The following UNC80 variants were observed in gnomAD, a reference collection of about 807,000 sequenced individuals.
UNC80 encodes unc-80 subunit of NALCN channel complex, also known as protein unc-80 homolog.
Under a neutral mutation model 384.6 loss-of-function variants are expected in UNC80, and 164 were observed. The ratio of observed to expected loss-of-function variants is 0.43; its 90% CI spans 0.38 to 0.49. UNC80 has a LOEUF of 0.49. Among genes scored for constraint, UNC80 ranks in the 20% least tolerant of loss-of-function variants. UNC80 has a pLI of 0.00. For synonymous variants in UNC80, 1,486 were observed against 1,527.8 expected, an observed-to-expected ratio of 0.97 and a Z score of 0.64; for missense variants, 3,330 against 4,143.0, an observed-to-expected ratio of 0.80 and a Z score of 5.39.
Position 209,801,377 on chromosome 2 carries a change from C to CT in UNC80, c.938+7543dup, listed in dbSNP as rs35079056. Reference sequence around the variant, plus strand: ...TCAGAGACTAGGATTGCAACCCCTGCTTTTTTTTTTTTTTTTTTTTTTTTT... The same window carrying CT: ...TCAGAGACTAGGATTGCAACCCCTGCTTTTTTTTTTTTTTTTTTTTTTTTTT... On this transcript the variant is annotated intron_variant, in intron 7 of 64. Transcript: ENST00000673920. Among the ~76,000 whole-genome samples, 434 of 65,978 alleles carry CT rather than the reference C, an allele frequency of 6.6e-3. 12 individuals carry two copies. The highest frequency in any genetic ancestry group is 0.016 in the African/African-American group (302 of 18,918). The allele number at this position is 65,978 out of a possible 152,430, so 43.3% of individuals were successfully genotyped here.
Position 209,970,888 on chromosome 2 carries a change from C to T in UNC80, c.8187C>T (p.Leu2729=). 1 of 1,551,836 alleles carries T rather than the reference C, an allele frequency of 6.4e-7. No individual in the cohort carries two copies. Among genetic ancestry groups the T allele is most frequent in the Non-Finnish European group, 8.7e-7 (1 of 1,147,022 alleles). Residue 2729 remains leucine, a synonymous_variant, in exon 54 of 65, where the codon CTC becomes CTT. Transcript: ENST00000673920. ...CTGATGGATTACCCCTTCTTCATCTCAGCCCTTATCTCTCACCACCTCTGC... is the reference window on the plus strand; with the variant it reads ...CTGATGGATTACCCCTTCTTCATCTTAGCCCTTATCTCTCACCACCTCTGC... The part of the protein sequence containing the change: ...SVADGLPLLH[L]SPYLSPPLPF...
At chr2:209,980,264 TATTA>T (rs1478406222) in intron 59 of UNC80, among the ~76,000 whole-genome samples, 1 of 152,222 alleles carries the variant, frequency 6.6e-6, no homozygotes, top group African/African-American at 2.4e-5. Flanking sequence ...CAGCAATTCT[TATTA>T]ATTATAGGAA....
At chr2:209,942,201 C>G (rs1355883330) in intron 44 of UNC80, among the ~76,000 whole-genome samples, 1 of 152,262 alleles carries the variant, frequency 6.6e-6, no homozygotes, top group South Asian at 2.1e-4. Flanking sequence ...GCCTGATGAT[C>G]TGAGGTGGAA....
At chr2:209,937,980 T>A (rs2091363114) in intron 42 of UNC80, among the ~76,000 whole-genome samples, 1 of 152,052 alleles carries the variant, frequency 6.6e-6, no homozygotes, top group Non-Finnish European at 1.5e-5. Context: ...ATGTAAATTA[T>A]CCCAGTGGTT....
Position 209,918,621 on chromosome 2 carries a change from G to A in UNC80, c.5301G>A (p.Gln1767=). The stretch of plus-strand genomic sequence containing the variant: ...TGTTTGACCCACCGTGGGTTCCTCA[G>A]TGCAGCGGGAGTGTCCAGGACCCCA... ...VPMFDPPWVP[Q]CSGSVQDPIN... is the part of the protein sequence containing the mutation. Residue 1767 remains glutamine, a synonymous_variant, in exon 33 of 65, where the codon CAG becomes CAA. Coordinates refer to ENST00000673920, the MANE Select transcript of UNC80 (RefSeq NM_001371986.1). 1 of 1,551,874 alleles carries A rather than the reference G, an allele frequency of 6.4e-7. No homozygotes were observed. Among genetic ancestry groups the A allele is most frequent in the East Asian group, 2.4e-5 (1 of 40,920 alleles).
At chr2:209,831,908 G>C (rs183781537) in intron 16 of UNC80, among the ~76,000 whole-genome samples, 1 of 152,190 alleles carries the variant, frequency 6.6e-6, no homozygotes, top group Admixed American at 6.5e-5. Flanking sequence ...TTGTTGGCTC[G>C]TAAAATACTA....
chr2:209,800,179 A>T (rs185652765), intron 7 of UNC80, among the ~76,000 whole-genome samples: 1 of 152,074 alleles, frequency 6.6e-6, no homozygotes, highest in Non-Finnish European at 1.5e-5. Context: ...CTGTGAATCC[A>T]TCTGGTCCTG....
chr2:209,858,197 G>C (rs756856933), intron 22 of UNC80, among the ~76,000 whole-genome samples: 2 of 152,148 alleles, frequency 1.3e-5, no homozygotes, highest in Non-Finnish European at 2.9e-5. Context: ...AACAGGTTTA[G>C]AAATATTACG....
At chr2:209,853,643 A>C (rs111276053) in intron 22 of UNC80, among the ~76,000 whole-genome samples, 35 of 152,250 alleles carry the variant, frequency 2.3e-4, no homozygotes, top group African/African-American at 7.9e-4. Context: ...AAAACTAAAA[A>C]GAAAATAAAA....
Position 209,872,744 on chromosome 2 carries a change from A to T in UNC80, c.3628-14A>T. ...TTAATCCCACATTATTCTTTCCTAA[A>T]CAACCCTACACAGGAAGCCCCTGTG... On this transcript the variant is annotated splice_polypyrimidine_tract_variant and intron_variant, in intron 22 of 64. Transcript: ENST00000673920. The surrounding 1 kb of genome is among the most constrained non-coding windows in gnomAD (Gnocchi z 4.1). 6.4e-7 allele frequency: 1 copy of T among 1,550,446 alleles called. No individual in the cohort carries two copies. The highest frequency in any genetic ancestry group is 8.7e-7 in the Non-Finnish European group (1 of 1,145,950).
intron 26 of UNC80, among the ~76,000 whole-genome samples, chr2:209,888,790 A>AT (rs566805914): frequency 7.4e-4 from 112 of 151,654 alleles, no homozygotes; most frequent in African/African-American, 2.6e-3. Flanking sequence ...TAATTTTTGT[A>AT]TTTTTTTTCT....
chr2:209,840,736 C>A, intron 20 of UNC80, 88 bp downstream of exon 20: 1 of 1,059,018 alleles, frequency 9.4e-7, no homozygotes, highest in Non-Finnish European at 1.4e-6. Context: ...CCTGCAGGGG[C>A]CAAATAAGGA....
Position 209,842,424 on chromosome 2 carries a change from G to A in UNC80, c.3432G>A (p.Glu1144=), listed in dbSNP as rs142553847. The change falls in exon 21 of 65, where the codon GAG becomes GAA. Residue 1144 remains glutamate (E), a synonymous_variant. Coordinates refer to ENST00000673920, the MANE Select transcript of UNC80 (RefSeq NM_001371986.1). The part of the protein sequence containing the change: ...GSGMENGRDE[E]ENFFKRLGCH... Reference sequence around the variant, plus strand: ...GCATGGAAAATGGAAGAGATGAAGAGGAGAATTTCTTCAAGCGTCTTGGTA... The same window carrying A: ...GCATGGAAAATGGAAGAGATGAAGAAGAGAATTTCTTCAAGCGTCTTGGTA... 1.3e-6 allele frequency: 2 copies of A among 1,550,284 alleles called. No homozygotes were observed. Among genetic ancestry groups the A allele is most frequent in the South Asian group, 2.4e-5 (2 of 83,956 alleles).
Position 209,933,913 on chromosome 2 carries a change from G to T in UNC80, c.6086G>T (p.Gly2029Val). 1 of 1,551,252 alleles carries T rather than the reference G, an allele frequency of 6.4e-7. No individual in the cohort carries two copies. Residue 2029 changes from glycine to valine, a missense_variant, in exon 39 of 65, where the codon GGT (glycine) becomes GTT (valine). This residue lies in a region of UNC80 where 1,049 missense variants were observed against 1,488.6 expected (regional missense o/e 0.70). Coordinates refer to ENST00000673920, the MANE Select transcript of UNC80 (RefSeq NM_001371986.1). ...ATLTFLWEVV[G>V]YVEGLFFKDL... Reference sequence around the variant, plus strand: ...CTGACATTCCTGTGGGAGGTGGTGGGTTACGTGGAGGGCCTCTTCTTCAAG... The same window carrying T: ...CTGACATTCCTGTGGGAGGTGGTGGTTTACGTGGAGGGCCTCTTCTTCAAG...
intron 28 of UNC80, among the ~76,000 whole-genome samples, chr2:209,899,403 A>G (rs938068880): frequency 2.6e-5 from 4 of 152,216 alleles, no homozygotes; most frequent in Admixed American, 6.5e-5. Flanking sequence ...GTTGTCATGT[A>G]TGCAGACAGT....
chr2:209,849,503 C>G lies in UNC80; in HGVS notation c.3507C>G (p.Ser1169Arg). ...CTCCCAACCAAGATGGTGGAAAAAG[C>G]AAAAACGTGGTGAATCTTGGAGCAA... ...HLSPNQDGGK[S>R]KNVVNLGAIR... The change falls in exon 22 of 65, where the codon AGC (serine) becomes AGG (arginine). Residue 1169 changes from serine to arginine, a missense_variant. Around this residue, in one of 8 missense-constraint regions of UNC80, gnomAD observed 801 missense variants for 950.8 expected, o/e 0.84. Coordinates refer to ENST00000673920, the MANE Select transcript of UNC80 (RefSeq NM_001371986.1). The G allele has an allele frequency of 6.4e-7, 1 of 1,551,022 alleles. No individual in the cohort carries two copies. Among genetic ancestry groups the G allele is most frequent in the Non-Finnish European group, 8.7e-7 (1 of 1,146,524 alleles).
chr2:209,832,666 A>G (rs1223851764), intron 16 of UNC80, among the ~76,000 whole-genome samples: 3 of 152,226 alleles, frequency 2.0e-5, no homozygotes, highest in Admixed American at 6.5e-5. Context: ...TGAGTGTAGC[A>G]CAGGTACCAT....
At chr2:209,881,131 C>G (rs17748818) in intron 25 of UNC80, 37 bp downstream of exon 25, 5 of 1,549,596 alleles carry the variant, frequency 3.2e-6, no homozygotes, top group Non-Finnish European at 4.4e-6. Flanking sequence ...TCAGGTTACT[C>G]GGAGAGGCCA....
At chr2:209,923,736 C>T (rs1212061663) in intron 35 of UNC80, among the ~76,000 whole-genome samples, 1 of 152,134 alleles carries the variant, frequency 6.6e-6, no homozygotes, top group African/African-American at 2.4e-5. Context: ...AGATACTCCA[C>T]ATCATTTTTT....
Sources: gnomAD v4.1 joint callset for allele counts (sites outside exome capture counted in the v4.1 genomes callset) on GRCh38, gnomAD v4.1.1 for gene constraint, gnomAD v4.1.1 regional missense constraint, Gnocchi (gnomAD v3.1) non-coding constraint, MANE v1.5 for transcripts, NCBI Gene and HGNC (gene_info 2026-07-23, HGNC 2026-07-21) for gene names.